The following DLG3 variants were observed in gnomAD, a reference collection of about 807,000 sequenced individuals.
The protein encoded by DLG3 is disks large homolog 3.
In DLG3, 1 loss-of-function variant was observed where a neutral mutation model predicts 64.1. That is an observed-to-expected ratio of 0.02 (90% CI 0.01 to 0.07). The LOEUF is 0.07. DLG3 is among the 10% of genes least tolerant of loss of function. The pLI is 1.00. For missense variants in DLG3, 429 were observed against 669.5 expected (o/e 0.64, Z 3.96); for synonymous variants, 245 against 259.8 (o/e 0.94, Z 0.55).
chrX:70,492,486 GGCA>G, intron 11 of DLG3, 32 bp from the exon 12 acceptor site: 1 of 1,191,555 alleles, frequency 8.4e-7, no homozygotes, highest in Non-Finnish European at 1.1e-6. Flanking sequence ...ACCATTTACT[GGCA>G]GTAACAGGAC....
intron 10 of DLG3, 118 bp downstream of exon 10, chrX:70,479,382 G>A (rs1048702990): frequency 6.9e-6 from 4 of 577,407 alleles, no homozygotes; most frequent in African/African-American, 4.5e-5. Context: ...CTAAAATAAC[G>A]CTTCTCACTG....
chrX:70,453,770 C>T lies in DLG3; in HGVS notation c.1279C>T (p.Arg427Cys), dbSNP rs971783743. 1 of 1,199,323 alleles carries T rather than the reference C, an allele frequency of 8.3e-7. No individual in the cohort carries two copies. The highest frequency in any genetic ancestry group is 1.1e-6 in the Non-Finnish European group (1 of 889,833). Reference sequence around the variant, plus strand: ...CCCAGCTGACCTGAGTGGGGAGCTGCGCAGGGGAGACCGGATCTTATCGGT... The same window carrying T: ...CCCAGCTGACCTGAGTGGGGAGCTGTGCAGGGGAGACCGGATCTTATCGGT... ...GGPADLSGEL[R>C]RGDRILSVNG... Residue 427 changes from arginine to cysteine, a missense_variant, in exon 8 of 19, where the codon CGC becomes TGC. Physicochemically the swap from Arg to Cys is radical, Grantham distance 180. Around this residue, in one of 9 missense-constraint regions of DLG3, gnomAD observed 46 missense variants for 52.3 expected, o/e 0.88. Transcript: ENST00000374360.
At chrX:70,501,775 G>T (rs1191916852) in intron 18 of DLG3, among the ~76,000 whole-genome samples, 3 of 111,818 alleles carry the variant, frequency 2.7e-5, no homozygotes, top group Non-Finnish European at 5.6e-5. Context: ...AAATCTTTTA[G>T]TAAGGCTGCT....
intron 9 of DLG3, among the ~76,000 whole-genome samples, chrX:70,466,915 ATTTG>A (rs774536980): frequency 9.1e-6 from 1 of 109,670 alleles, no homozygotes; most frequent in African/African-American, 3.3e-5. Flanking sequence ...TTGTTTTTGT[ATTTG>A]TTATTTTTTT....
intron 9 of DLG3, among the ~76,000 whole-genome samples, chrX:70,471,856 TA>T (rs1256284769): frequency 8.9e-6 from 1 of 111,757 alleles, no homozygotes; most frequent in Non-Finnish European, 1.9e-5. Flanking sequence ...CCTTTATAAT[TA>T]TTGTCTGTAG....
At chrX:70,488,804 C>T (rs910554929) in intron 10 of DLG3, among the ~76,000 whole-genome samples, 2 of 112,337 alleles carry the variant, frequency 1.8e-5, no homozygotes, top group Non-Finnish European at 3.8e-5. Flanking sequence ...AATTTTTTTG[C>T]ATTCTCAACT....
chrX:70,480,179 G>A (rs2087127515), intron 10 of DLG3, among the ~76,000 whole-genome samples: 1 of 111,999 alleles, frequency 8.9e-6, no homozygotes, highest in Non-Finnish European at 1.9e-5. Flanking sequence ...TAGGTGTGGG[G>A]TCATATCAAA....
rs761838470 is a variant in DLG3 at position 70,500,573 on chromosome X, G to A, written c.2248G>A (p.Ala750Thr). The change falls in exon 17 of 19, where the codon GCC (alanine) becomes ACC (threonine). Residue 750 changes from alanine (A) to threonine (T), a missense_variant. By Grantham distance (58) the Ala-to-Thr change is moderately conservative (BLOSUM62 0). Transcript: ENST00000374360. ...AIFIKPKSIE[A>T]LMEMNRRQTY... is the part of the protein sequence containing the mutation. ...TTTCATCAAGCCCAAGTCCATTGAA[G>A]CCCTTATGTAAGTGTTGAACTGAGA... 1 of 1,192,656 alleles carries A rather than the reference G, an allele frequency of 8.4e-7. No individual in the cohort carries two copies. The highest frequency in any genetic ancestry group is 2.2e-5 in the Admixed American group (1 of 45,979).
intron 9 of DLG3, among the ~76,000 whole-genome samples, chrX:70,458,654 G>A (rs1228469126): frequency 8.9e-6 from 1 of 112,535 alleles, no homozygotes; most frequent in Non-Finnish European, 1.9e-5. Flanking sequence ...TATAGGAACT[G>A]TGTCTTTCTA....
intron 16 of DLG3, 83 bp from the exon 17 acceptor site, chrX:70,500,388 G>T: frequency 1.2e-6 from 1 of 847,434 alleles, no homozygotes; most frequent in Non-Finnish European, 1.8e-6. Flanking sequence ...CGGCCAAGGT[G>T]GATGTTTAGA....
intron 18 of DLG3, among the ~76,000 whole-genome samples, chrX:70,501,733 T>C (rs1253504605): frequency 1.8e-5 from 2 of 111,428 alleles, no homozygotes; most frequent in African/African-American, 6.5e-5. Flanking sequence ...ATTGTGGCTT[T>C]CAGTTCTTTC....
rs1362704858 is a variant in DLG3 at position 70,452,008 on chromosome X, C to T, written c.1127C>T (p.Ala376Val). The T allele has an allele frequency of 1.7e-6, 2 of 1,211,134 alleles. No homozygotes were observed. Among genetic ancestry groups the T allele is most frequent in the South Asian group, 1.8e-5 (1 of 56,857 alleles). The change falls in exon 7 of 19, where the codon GCT becomes GTT. Residue 376 changes from alanine to valine, a missense_variant. Coordinates refer to ENST00000374360, the MANE Select transcript of DLG3 (RefSeq NM_021120.4). Reference protein sequence around the residue: ...RYSPIPRHMLAEEDFTREPRK... With the variant: ...RYSPIPRHMLVEEDFTREPRK... ...TCTCCTATTCCCAGGCACATGCTGG[C>T]TGAGGAGGACTTCACCAGGTAAGAC...
At position 70,496,687 on chromosome X, in the gene DLG3, C is replaced by T. The variant is rs190525346; in HGVS notation, c.1819+1234C>T. ...GGAGCCCACCGAATGGTCAGAGCAG[C>T]GCTCCCTGGTGTCTGCTTAACCCAT... On this transcript the variant is annotated intron_variant, in intron 13 of 18. Coordinates refer to ENST00000374360, the MANE Select transcript of DLG3 (RefSeq NM_021120.4). Among the ~76,000 whole-genome samples, 334 of 112,485 alleles carry T rather than the reference C, an allele frequency of 3.0e-3. 3 individuals carry two copies. The highest frequency in any genetic ancestry group is 0.01 in the African/African-American group (311 of 31,010).
At chrX:70,452,476 C>T (rs1436003357) in intron 7 of DLG3, 36 of 980,739 alleles carry the variant, frequency 3.7e-5, no homozygotes, top group Non-Finnish European at 4.0e-5. Context: ...GCGGCAGCGG[C>T]GGCGGCAGCG....
chrX:70,492,470 G>A (rs751899174), intron 11 of DLG3, 51 bp from the exon 12 acceptor site: 3 of 1,179,005 alleles, frequency 2.5e-6, no homozygotes, highest in South Asian at 3.6e-5. Context: ...GCAACCCACT[G>A]CTGAGACCAT....
intron 1 of DLG3, among the ~76,000 whole-genome samples, chrX:70,446,418 G>A (rs1312014185): frequency 4.6e-5 from 5 of 109,393 alleles, no homozygotes; most frequent in Non-Finnish European, 3.8e-5. Flanking sequence ...TGTGTGTGCC[G>A]GGGTGGGGTG....
chrX:70,468,304 C>T (rs1169578441), intron 9 of DLG3, among the ~76,000 whole-genome samples: 4 of 111,176 alleles, frequency 3.6e-5, no homozygotes, highest in Admixed American at 9.6e-5. Context: ...TCCTGACCTC[C>T]GGTGATCCGC....
In DLG3 at chrX:70,504,414, G is replaced by C. The variant is rs2087618887; in HGVS notation, c.*2145G>C. The C allele has an allele frequency of 8.9e-6, 1 of 112,504 alleles. No individual in the cohort carries two copies. Among genetic ancestry groups the C allele is most frequent in the African/African-American group, 3.2e-5 (1 of 30,837 alleles). 9.3% of individuals were successfully genotyped at this position (112,504 alleles called of 1,213,427 possible). On this transcript the variant is annotated 3_prime_UTR_variant, in exon 19 of 19. Transcript: ENST00000374360. Reference sequence around the variant, plus strand: ...AAAGTAGTTGAGAAGGGAGGGCGTGGGCAAAGCAGTGGGAAGAACATCCCA... The same window carrying C: ...AAAGTAGTTGAGAAGGGAGGGCGTGCGCAAAGCAGTGGGAAGAACATCCCA...
At chrX:70,492,705 T>TG in intron 12 of DLG3, 109 bp downstream of exon 12, 1 of 721,077 alleles carries the variant, frequency 1.4e-6, no homozygotes, top group Non-Finnish European at 2.2e-6. Flanking sequence ...AAATCTCTTT[T>TG]TCAGGGGGCT....
Sources: allele counts gnomAD v4.1 joint callset (sites outside exome capture counted in the v4.1 genomes callset), GRCh38; gene constraint gnomAD v4.1.1; regional missense constraint gnomAD v4.1.1; transcripts MANE v1.5; gene names NCBI Gene and HGNC (gene_info 2026-07-23, HGNC 2026-07-21).